Variants in GUCY1A2 observed in about 807,000 individuals in gnomAD.
GUCY1A2 encodes guanylate cyclase 1 soluble subunit alpha 2.
Under a neutral mutation model 63.5 loss-of-function variants are expected in GUCY1A2, and 27 were observed. The observed-to-expected ratio is 0.43, with a 90% CI of 0.31 to 0.59. The LOEUF (loss-of-function observed/expected upper bound fraction) is 0.59. Ranked by LOEUF, GUCY1A2 falls within the 20% of genes least tolerant of loss-of-function variation. The probability of loss-of-function intolerance (pLI) is 0.11; values close to 1 mark genes in which losing one functional copy is unlikely to be tolerated. For synonymous variants in GUCY1A2, 364 were observed against 343.5 expected, an observed-to-expected ratio of 1.06 and a Z score of -0.66; for missense variants, 768 against 913.3, an observed-to-expected ratio of 0.84 and a Z score of 2.05.
intron 1 of GUCY1A2, among the ~76,000 whole-genome samples, chr11:107,006,093 C>A (rs1327455069): frequency 1.3e-5 from 2 of 152,178 alleles, no homozygotes; most frequent in African/African-American, 4.8e-5. Flanking sequence ...TTATACAGAA[C>A]AAACTGATCC....
chr11:106,863,124 G>A (rs998894764), intron 4 of GUCY1A2, among the ~76,000 whole-genome samples: 7 of 152,122 alleles, frequency 4.6e-5, no homozygotes, highest in Admixed American at 3.9e-4. Context: ...CTTTTGCTGT[G>A]CAGAAGCTCT....
chr11:106,681,148 T>G lies in GUCY1A2; in HGVS notation c.*6401A>C, dbSNP rs1862425771. 9.3e-6 allele frequency: 2 copies of G among 214,130 alleles called. No homozygotes were observed. The highest frequency in any genetic ancestry group is 1.9e-4 in the South Asian group (1 of 5,372). 13.3% of individuals were successfully genotyped at this position (214,130 alleles called of 1,614,324 possible). A position where few individuals can be genotyped will look rare whatever the true frequency, so the allele number is the denominator to read the frequency against. ...TTTTTCAGTATTACTGAATAATCAT[T>G]TTCAGACTTTTATTTATTGTGCTAC... is the stretch of plus-strand genomic sequence containing the variant. On this transcript the variant is annotated 3_prime_UTR_variant, in exon 8 of 8. Coordinates refer to ENST00000526355, the MANE Select transcript of GUCY1A2 (RefSeq NM_000855.3).
At chr11:106,720,183 C>G (rs1252620437) in intron 6 of GUCY1A2, among the ~76,000 whole-genome samples, 1 of 152,170 alleles carries the variant, frequency 6.6e-6, no homozygotes, top group Non-Finnish European at 1.5e-5. Flanking sequence ...TCCTTGAGAC[C>G]TCAGCACATC....
chr11:106,789,264 T>C (rs1334199965), intron 5 of GUCY1A2, among the ~76,000 whole-genome samples: 1 of 152,232 alleles, frequency 6.6e-6, no homozygotes, highest in African/African-American at 2.4e-5. Context: ...TCAATTCTGC[T>C]ATTAAAGAGA....
intron 6 of GUCY1A2, among the ~76,000 whole-genome samples, chr11:106,733,893 C>T (rs1388745318): frequency 2.0e-5 from 3 of 152,128 alleles, no homozygotes; most frequent in East Asian, 1.9e-4. Context: ...CTTGAAAATG[C>T]ATTCCTCAAC....
intron 3 of GUCY1A2, among the ~76,000 whole-genome samples, chr11:106,957,983 C>T (rs1216943289): frequency 2.0e-5 from 3 of 147,754 alleles, no homozygotes; most frequent in African/African-American, 7.5e-5. Context: ...AAATACTTAG[C>T]CAAAGGTCTA....
chr11:106,783,187 C>A (rs1013207568), intron 5 of GUCY1A2, among the ~76,000 whole-genome samples: 4 of 152,124 alleles, frequency 2.6e-5, no homozygotes, highest in African/African-American at 9.7e-5. Flanking sequence ...AGGGTTCAAG[C>A]CATGTAGATG....
chr11:106,956,360 T>C (rs1860984448), intron 3 of GUCY1A2, among the ~76,000 whole-genome samples: 1 of 152,016 alleles, frequency 6.6e-6, no homozygotes, highest in South Asian at 2.1e-4. Flanking sequence ...ACTCTGGCCT[T>C]TTGGGTTTAC....
At chr11:106,978,808 A>G (rs898067393) in intron 2 of GUCY1A2, 68 bp from the exon 3 acceptor site, 22 of 1,041,744 alleles carry the variant, frequency 2.1e-5, no homozygotes, top group African/African-American at 4.8e-5. Flanking sequence ...ACTCATATAC[A>G]CACGCACAAG....
chr11:106,752,376 T>C (rs1280412948), intron 6 of GUCY1A2, among the ~76,000 whole-genome samples: 1 of 152,190 alleles, frequency 6.6e-6, no homozygotes, highest in Admixed American at 6.5e-5. Context: ...GAATATAGTT[T>C]TATTATACTT....
At position 106,922,662 on chromosome 11, in the gene GUCY1A2, CATATATATATATATATATATATATAT is replaced by C. The variant is rs6144495; in HGVS notation, c.1206+16772_1206+16797del. On this transcript the variant is annotated intron_variant, in intron 4 of 7. Coordinates refer to ENST00000526355, the MANE Select transcript of GUCY1A2 (RefSeq NM_000855.3). Reference sequence around the variant, plus strand: ...TGGTAATTCAGTGCTTTGTTAACTACATATATATATATATATATATATATATATATATATATATATATATATATATA... The same window carrying C: ...TGGTAATTCAGTGCTTTGTTAACTACATATATATATATATATATATATATA... Among the ~76,000 whole-genome samples, 204 of 124,806 alleles carry C rather than the reference CATATATATATATATATATATATATAT, an allele frequency of 1.6e-3. 2 individuals carry two copies. The highest frequency in any genetic ancestry group is 4.8e-3 in the Middle Eastern group (1 of 210). The allele number at this position is 124,806 out of a possible 152,430, so 81.9% of individuals were successfully genotyped here.
At chr11:106,881,052 G>A (rs1024865687) in intron 4 of GUCY1A2, among the ~76,000 whole-genome samples, 2 of 152,030 alleles carry the variant, frequency 1.3e-5, no homozygotes, top group Admixed American at 6.6e-5. Flanking sequence ...TATCTCTGAG[G>A]TTCCTTCCAG....
At chr11:107,016,261 G>A (rs1434421750) in intron 1 of GUCY1A2, among the ~76,000 whole-genome samples, 1 of 152,238 alleles carries the variant, frequency 6.6e-6, no homozygotes, top group African/African-American at 2.4e-5. Context: ...CTAGGGGTGG[G>A]CAGGTGAAAG....
At chr11:106,999,127 C>T (rs1360084318) in intron 1 of GUCY1A2, among the ~76,000 whole-genome samples, 1 of 152,140 alleles carries the variant, frequency 6.6e-6, no homozygotes, top group African/African-American at 2.4e-5. Context: ...CTATGCAGGT[C>T]CTTACAATCA....
chr11:106,998,539 G>A (rs1861570643), intron 1 of GUCY1A2, among the ~76,000 whole-genome samples: 1 of 152,162 alleles, frequency 6.6e-6, no homozygotes, highest in South Asian at 2.1e-4. Flanking sequence ...GGTACTGATT[G>A]GATATCACTT....
chr11:106,721,952 T>C (rs964786738), intron 6 of GUCY1A2, among the ~76,000 whole-genome samples: 3 of 152,216 alleles, frequency 2.0e-5, no homozygotes, highest in African/African-American at 7.2e-5. Context: ...TTGAGAACCA[T>C]TACCTTAAGT....
intron 6 of GUCY1A2, among the ~76,000 whole-genome samples, chr11:106,719,574 T>C (rs770146614): frequency 2.4e-4 from 37 of 152,206 alleles, no homozygotes; most frequent in Non-Finnish European, 4.6e-4. Flanking sequence ...CCATACCTTC[T>C]TTTAAAAATA....
intron 1 of GUCY1A2, among the ~76,000 whole-genome samples, chr11:107,014,369 G>A (rs1054188378): frequency 6.6e-6 from 1 of 152,102 alleles, no homozygotes. Flanking sequence ...TTACAGGCAT[G>A]AGCCACCACG....
chr11:106,897,143 T>C (rs533167662), intron 4 of GUCY1A2, among the ~76,000 whole-genome samples: 26 of 152,178 alleles, frequency 1.7e-4, no homozygotes, highest in African/African-American at 6.0e-4. Flanking sequence ...CTAAAAAATA[T>C]GTACAAGATC....
Sources: allele counts gnomAD v4.1 joint callset (sites outside exome capture counted in the v4.1 genomes callset), GRCh38; gene constraint gnomAD v4.1.1; transcripts MANE v1.5; gene names NCBI Gene and HGNC (gene_info 2026-07-23, HGNC 2026-07-21).